Variants in PPP3CA observed in about 807,000 individuals in gnomAD.
PPP3CA encodes the protein CAM-PRP catalytic subunit.
In PPP3CA, 14 loss-of-function variants were observed where a neutral mutation model predicts 66.5. The ratio of observed to expected loss-of-function variants is 0.21; its 90% confidence interval spans 0.14 to 0.33. The LOEUF is 0.33. Among genes scored for constraint, PPP3CA ranks in the 10% least tolerant of loss-of-function variants. The pLI is 1.00. For missense variants in PPP3CA, 317 were observed against 639.5 expected (o/e 0.50, Z 5.44); for synonymous variants, 232 against 226.2 (o/e 1.03, Z -0.23).
chr4:101,196,132 T>G lies in PPP3CA; in HGVS notation c.59-16A>C, dbSNP rs1041686821. 4.3e-6 allele frequency: 7 copies of G among 1,611,070 alleles called. No homozygotes were observed. In the African/African-American group the frequency reaches 8.0e-5, roughly 18 times the overall value. On this transcript the variant is annotated splice_polypyrimidine_tract_variant and intron_variant, in intron 1 of 13. Coordinates refer to ENST00000394854, the MANE Select transcript of PPP3CA (RefSeq NM_000944.5). ...AATGGAACAGCTGAAAGAAGAAAGGTCTAATTATTACATTAGCCAAAACTC... is the reference window on the plus strand; with the variant it reads ...AATGGAACAGCTGAAAGAAGAAAGGGCTAATTATTACATTAGCCAAAACTC...
At chr4:101,266,062 A>G (rs1727160305) in intron 1 of PPP3CA, among the ~76,000 whole-genome samples, 1 of 152,170 alleles carries the variant, frequency 6.6e-6, no homozygotes, top group Admixed American at 6.6e-5. Context: ...AAAATAATTT[A>G]TACCTCAACA....
chr4:101,172,153 G>A (rs779195336), intron 2 of PPP3CA, among the ~76,000 whole-genome samples: 6 of 152,078 alleles, frequency 3.9e-5, no homozygotes, highest in Non-Finnish European at 8.8e-5. Context: ...CCCATGACAG[G>A]CAGTGGAGGT....
At chr4:101,119,796 G>A (rs1230621584) in intron 2 of PPP3CA, among the ~76,000 whole-genome samples, 3 of 152,016 alleles carry the variant, frequency 2.0e-5, no homozygotes, top group African/African-American at 7.2e-5. Context: ...TGACTTTTAA[G>A]TATTCAGCTC....
intron 1 of PPP3CA, among the ~76,000 whole-genome samples, chr4:101,247,236 A>T (rs1300993467): frequency 3.3e-5 from 5 of 151,500 alleles, no homozygotes; most frequent in Admixed American, 6.6e-5. Context: ...ATCTCAGCTC[A>T]CTGGAACCTT....
chr4:101,287,260 T>A (rs1727873064), intron 1 of PPP3CA, among the ~76,000 whole-genome samples: 1 of 152,218 alleles, frequency 6.6e-6, no homozygotes. Flanking sequence ...AATTTTTGAA[T>A]TAGCCACCAT....
At chr4:101,333,310 GTA>G (rs1729505387) in intron 1 of PPP3CA, among the ~76,000 whole-genome samples, 1 of 22,392 alleles carries the variant, frequency 4.5e-5, no homozygotes, top group African/African-American at 8.6e-5. Context: ...TTTTTTTTTT[GTA>G]GAGATGAGGT....
At chr4:101,181,836 C>G (rs1373311922) in intron 2 of PPP3CA, among the ~76,000 whole-genome samples, 1 of 152,062 alleles carries the variant, frequency 6.6e-6, no homozygotes, top group Non-Finnish European at 1.5e-5. Context: ...ACAGGCTAAA[C>G]AGCACAATTA....
At chr4:101,101,188 A>G (rs1216184263) in intron 3 of PPP3CA, among the ~76,000 whole-genome samples, 3 of 152,176 alleles carry the variant, frequency 2.0e-5, no homozygotes, top group African/African-American at 7.2e-5. Context: ...AAAGTTGACC[A>G]AATGGCCTGT....
chr4:101,047,762 CATT>C (rs1274489116), intron 10 of PPP3CA, among the ~76,000 whole-genome samples: 1 of 151,924 alleles, frequency 6.6e-6, no homozygotes, highest in Non-Finnish European at 1.5e-5. Context: ...TTTGTCACTA[CATT>C]ATATGTTATA....
At chr4:101,109,156 A>T (rs1721560142) in intron 2 of PPP3CA, 78 bp from the exon 3 acceptor site, 4 of 1,401,094 alleles carry the variant, frequency 2.9e-6, no homozygotes, top group Admixed American at 2.0e-5. Flanking sequence ...AAAATTTTAG[A>T]ACCAGAATTA....
rs1346452982 is a variant in PPP3CA at position 101,201,569 on chromosome 4, T to G, written c.59-5453A>C. Among the ~76,000 whole-genome samples, 2 of 152,196 alleles carry G rather than the reference T, an allele frequency of 1.3e-5. 1 individual carries two copies. Among genetic ancestry groups the G allele is most frequent in the South Asian group, 4.1e-4 (2 of 4,826 alleles). On this transcript the variant is annotated intron_variant, in intron 1 of 13. Transcript: ENST00000394854. ...TCCCTCTTAACAAGCTCCACACCAG[T>G]CAATCAACCACAACAGATGCAATGT...
rs373250696 is a variant in PPP3CA at position 101,067,574 on chromosome 4, T to C, written c.956-4217A>G. On this transcript the variant is annotated intron_variant, in intron 8 of 13. Transcript: ENST00000394854. ...AAACAACTAGTATTTCATAAGAACATGAAAACATTTCGCAACATGCTCTCT... is the reference window on the plus strand; with the variant it reads ...AAACAACTAGTATTTCATAAGAACACGAAAACATTTCGCAACATGCTCTCT... Among the ~76,000 whole-genome samples the C allele has an allele frequency of 1.9e-4, 28 of 146,524 alleles. No individual in the cohort carries two copies. In the East Asian group the frequency reaches 4.4e-3, roughly 23 times the overall value.
intron 1 of PPP3CA, among the ~76,000 whole-genome samples, chr4:101,220,954 T>C (rs1725606305): frequency 6.6e-6 from 1 of 151,804 alleles, no homozygotes; most frequent in Non-Finnish European, 1.5e-5. Flanking sequence ...ATTCTGTTTC[T>C]AGCCACTTTA....
At chr4:101,331,150 G>A (rs1285769641) in intron 1 of PPP3CA, among the ~76,000 whole-genome samples, 3 of 152,032 alleles carry the variant, frequency 2.0e-5, no homozygotes. Flanking sequence ...TAATATATTT[G>A]GCCTCATCTT....
At chr4:101,323,772 T>C (rs756601233) in intron 1 of PPP3CA, among the ~76,000 whole-genome samples, 15 of 152,152 alleles carry the variant, frequency 9.9e-5, no homozygotes, top group Non-Finnish European at 1.0e-4. Context: ...TTAATCCCCA[T>C]AACAACTCTA....
chr4:101,045,490 A>G (rs1727723063), intron 10 of PPP3CA, among the ~76,000 whole-genome samples: 1 of 152,222 alleles, frequency 6.6e-6, no homozygotes, highest in South Asian at 2.1e-4. Context: ...AAAACTTTTC[A>G]GTGAAATGGT....
intron 2 of PPP3CA, chr4:101,158,138 C>G (rs1319973567): frequency 6.6e-6 from 1 of 151,728 alleles, no homozygotes; most frequent in Admixed American, 6.6e-5. Context: ...AGATTTATAC[C>G]AAGAAGATGA....
At chr4:101,194,966 C>A (rs572037950) in intron 2 of PPP3CA, among the ~76,000 whole-genome samples, 8 of 151,700 alleles carry the variant, frequency 5.3e-5, no homozygotes, top group Admixed American at 1.3e-4. Flanking sequence ...AACTAAAACA[C>A]GAAAAATAAA....
chr4:101,174,177 A>G (rs1005432128), intron 2 of PPP3CA, among the ~76,000 whole-genome samples: 14 of 152,152 alleles, frequency 9.2e-5, no homozygotes, highest in Non-Finnish European at 1.9e-4. Flanking sequence ...AATCAACTTT[A>G]TATTTTCAAA....
Sources: allele counts gnomAD v4.1 joint callset (sites outside exome capture counted in the v4.1 genomes callset), GRCh38; gene constraint gnomAD v4.1.1; transcripts MANE v1.5; gene names NCBI Gene and HGNC (gene_info 2026-07-23, HGNC 2026-07-21).